PCNT: variants seen among roughly 807,000 people sequenced by gnomAD.
PCNT encodes the protein pericentrin, also known as kendrin.
Under a neutral mutation model 380.4 loss-of-function variants are expected in PCNT, and 319 were observed. The observed-to-expected ratio is 0.84, with a 90% CI of 0.77 to 0.92. The LOEUF (loss-of-function observed/expected upper bound fraction) is 0.92, where lower values mean the gene tolerates loss of function less well. Ranked by LOEUF, PCNT falls within the 40% of genes least tolerant of loss-of-function variation. The pLI, the probability that PCNT is intolerant of heterozygous loss-of-function variation, is 0.00. For synonymous variants in PCNT, 1,845 were observed against 1,735.2 expected, an observed-to-expected ratio of 1.06 and a Z score of -1.57; for missense variants, 4,400 against 4,255.3, an observed-to-expected ratio of 1.03 and a Z score of -0.95.
chr21:46,415,310 C>T (rs953598228), intron 29 of PCNT, among the ~76,000 whole-genome samples: 7 of 150,206 alleles, frequency 4.7e-5, no homozygotes, highest in South Asian at 2.1e-4. Flanking sequence ...GAGAGCCCTT[C>T]GCATCTCCTG....
chr21:46,389,091 G>A (rs1025580147), intron 18 of PCNT, 108 bp from the exon 19 acceptor site: 133 of 1,322,180 alleles, frequency 1.0e-4, no homozygotes, highest in East Asian at 2.2e-4. Flanking sequence ...GACTCATCTC[G>A]GCTGGGGCGA....
At chr21:46,387,977 G>T (rs945652543) in intron 17 of PCNT, among the ~76,000 whole-genome samples, 5 of 152,098 alleles carry the variant, frequency 3.3e-5, no homozygotes, top group Admixed American at 6.5e-5. Flanking sequence ...TTGGGAGGCT[G>T]AGGCGGGTGG....
At position 46,353,317 on chromosome 21, in the gene PCNT, T is replaced by C; in HGVS notation, c.1670T>C (p.Val557Ala). ...AGGGAAGATGCTCTTCTGGACTCTG[T>C]GGAAGTTGGGTAAGCAAAGCAGTTC... ...GAREDALLDSVEVGLSCVGLE... is the reference protein window; with the variant it reads ...GAREDALLDSAEVGLSCVGLE... The change falls in exon 10 of 47, where the codon GTG becomes GCG. Residue 557 changes from valine to alanine, a missense_variant. Transcript: ENST00000359568. 1 of 1,613,990 alleles carries C rather than the reference T, an allele frequency of 6.2e-7. No individual in the cohort carries two copies. The highest frequency in any genetic ancestry group is 8.5e-7 in the Non-Finnish European group (1 of 1,179,908).
At chr21:46,374,050 T>G (rs2085251479) in intron 15 of PCNT, among the ~76,000 whole-genome samples, 1 of 152,134 alleles carries the variant, frequency 6.6e-6, no homozygotes, top group Non-Finnish European at 1.5e-5. Flanking sequence ...TTTTATGTGA[T>G]TGTTTTGGTG....
intron 2 of PCNT, among the ~76,000 whole-genome samples, chr21:46,331,342 C>G (rs148109255): frequency 1.4e-4 from 20 of 147,388 alleles, no homozygotes; most frequent in Non-Finnish European, 2.1e-4. Context: ...ATATTTTTAA[C>G]CAACTTTAAG....
chr21:46,325,461 C>T (rs924212600), intron 1 of PCNT, among the ~76,000 whole-genome samples: 1 of 152,184 alleles, frequency 6.6e-6, no homozygotes, highest in Non-Finnish European at 1.5e-5. Flanking sequence ...TGCTATATCC[C>T]GACATGGATA....
At chr21:46,409,673 T>C (rs2086723555) in intron 27 of PCNT, among the ~76,000 whole-genome samples, 1 of 152,202 alleles carries the variant, frequency 6.6e-6, no homozygotes, top group Non-Finnish European at 1.5e-5. Flanking sequence ...AGTCTCGGCT[T>C]ACCGCAACCT....
chr21:46,362,942 T>A (rs2084771092), intron 13 of PCNT, among the ~76,000 whole-genome samples: 1 of 152,132 alleles, frequency 6.6e-6, no homozygotes, highest in Admixed American at 6.5e-5. Flanking sequence ...CCCTTTACAG[T>A]GTGCCTTGCA....
At chr21:46,416,027 A>G in intron 29 of PCNT, 42 bp from the exon 30 acceptor site, 1 of 1,604,892 alleles carries the variant, frequency 6.2e-7, no homozygotes, top group Non-Finnish European at 8.5e-7. Context: ...ACTCCTGGTG[A>G]GCCAGGTATT....
At position 46,431,570 on chromosome 21, in the gene PCNT, T is replaced by A. The variant is rs752649239; in HGVS notation, c.8106T>A (p.Ser2702Arg). 10 of 1,613,918 alleles carry A rather than the reference T, an allele frequency of 6.2e-6. No homozygotes were observed. In the Admixed American group the frequency reaches 8.3e-5, roughly 13 times the overall value. ...ASLETQRAQS[S>R]RLCVALKHEQ... ...TGGAGACACAGCGTGCTCAGAGCAG[T>A]CGACTCTGCGTGGCACTGAAACACG... The change falls in exon 38 of 47, where the codon AGT (serine) becomes AGA (arginine). Residue 2702 changes from serine to arginine, a missense_variant. Transcript: ENST00000359568.
chr21:46,353,335 A>G lies in PCNT; in HGVS notation c.1679+9A>G, dbSNP rs1385869650. 6.2e-7 allele frequency: 1 copy of G among 1,609,772 alleles called. No homozygotes were observed. Among genetic ancestry groups the G allele is most frequent in the Non-Finnish European group, 8.5e-7 (1 of 1,176,072 alleles). On this transcript the variant is annotated intron_variant, in intron 10 of 46. Transcript: ENST00000359568. ...GACTCTGTGGAAGTTGGGTAAGCAA[A>G]GCAGTTCCAGCCTCAGTGAGTTTCT...
intron 37 of PCNT, 174 bp downstream of exon 37, chr21:46,430,831 G>A (rs1265758311): frequency 2.0e-6 from 2 of 985,342 alleles, no homozygotes; most frequent in Non-Finnish European, 2.4e-6. Flanking sequence ...CCTTGGTGTA[G>A]TGGCAGCCAC....
intron 15 of PCNT, among the ~76,000 whole-genome samples, chr21:46,373,306 GC>G (rs2085214585): frequency 1.3e-5 from 2 of 151,888 alleles, no homozygotes; most frequent in Admixed American, 1.3e-4. Context: ...CGTGAGCCGC[GC>G]CTGGCCTGGA....
intron 15 of PCNT, among the ~76,000 whole-genome samples, chr21:46,368,308 G>C (rs766147755): frequency 4.2e-4 from 64 of 152,212 alleles, no homozygotes; most frequent in Admixed American, 1.6e-3. Context: ...ATTAGCTGGG[G>C]GTGGTGGCGG....
chr21:46,374,728 A>G (rs2085276504), intron 15 of PCNT, among the ~76,000 whole-genome samples: 1 of 152,122 alleles, frequency 6.6e-6, no homozygotes, highest in African/African-American at 2.4e-5. Flanking sequence ...ACATACCTGT[A>G]ATCCCAGCTA....
chr21:46,432,187 G>T lies in PCNT; in HGVS notation c.8723G>T (p.Arg2908Met), dbSNP rs779949217. ...RQSPAAAEQW[R>M]KWQRDKEKLR... is the part of the protein sequence containing the mutation. Reference sequence around the variant, plus strand: ...AGCCCAGCGGCTGCGGAGCAGTGGAGGAAGTGGCAGAGAGACAAGGAGAAG... The same window carrying T: ...AGCCCAGCGGCTGCGGAGCAGTGGATGAAGTGGCAGAGAGACAAGGAGAAG... Residue 2908 changes from arginine to methionine, a missense_variant, in exon 38 of 47, where the codon AGG becomes ATG. Physicochemically the swap from Arg to Met is moderately conservative, Grantham distance 91. Transcript: ENST00000359568. 6 of 1,612,170 alleles carry T rather than the reference G, an allele frequency of 3.7e-6. No homozygotes were observed. In the East Asian group the frequency reaches 1.3e-4, roughly 36 times the overall value.
intron 3 of PCNT, among the ~76,000 whole-genome samples, chr21:46,336,059 C>T (rs1030448400): frequency 6.6e-6 from 1 of 152,098 alleles, no homozygotes; most frequent in Non-Finnish European, 1.5e-5. Flanking sequence ...TCACTGCAAC[C>T]TCCGCCTCCC....
At position 46,363,761 on chromosome 21, in the gene PCNT, G is replaced by A. The variant is rs754714577; in HGVS notation, c.2436G>A (p.Arg812=). Residue 812 remains arginine, a synonymous_variant, in exon 14 of 47, where the codon AGG becomes AGA. Transcript: ENST00000359568. Reference sequence around the variant, plus strand: ...CAGCCCAGATCCTGGATCTGGAGAGGTCCTTGACGGAGCAGCAGGGCCGCC... The same window carrying A: ...CAGCCCAGATCCTGGATCTGGAGAGATCCTTGACGGAGCAGCAGGGCCGCC... ...QQAAQILDLE[R]SLTEQQGRLQ... is the part of the protein sequence containing the mutation. The A allele has an allele frequency of 3.7e-6, 6 of 1,614,046 alleles. No individual in the cohort carries two copies. Among genetic ancestry groups the A allele is most frequent in the Admixed American group, 1.7e-5 (1 of 60,012 alleles).
At chr21:46,418,122 C>T in intron 30 of PCNT, 82 bp from the exon 31 acceptor site, 1 of 837,394 alleles carries the variant, frequency 1.2e-6, no homozygotes, top group South Asian at 1.4e-5. Context: ...AAATTCAGGC[C>T]TTTGAAAGTT....
Sources: gnomAD v4.1 joint callset for allele counts (sites outside exome capture counted in the v4.1 genomes callset) on GRCh38, gnomAD v4.1.1 for gene constraint, MANE v1.5 for transcripts, NCBI Gene and HGNC (gene_info 2026-07-23, HGNC 2026-07-21) for gene names.